Variants in ATP8B1 observed in about 807,000 individuals in gnomAD.
The protein encoded by ATP8B1 is ATPase phospholipid transporting 8B1.
In ATP8B1, 80 loss-of-function variants were observed where a neutral mutation model predicts 149.9. That is an observed-to-expected ratio of 0.53 (90% confidence interval 0.45 to 0.64). ATP8B1 has a LOEUF of 0.64. Ranked by LOEUF, ATP8B1 falls within the 30% of genes least tolerant of loss-of-function variation. The pLI, the probability that ATP8B1 is intolerant of heterozygous loss-of-function variation, is 0.00. For synonymous variants in ATP8B1, 536 were observed against 562.8 expected (o/e 0.95, Z 0.67); for missense variants, 1,247 against 1,552.6 (o/e 0.80, Z 3.31).
In ATP8B1 at chr18:57,730,239, G is replaced by T. The variant is rs575733165; in HGVS notation, c.181+1388C>A. On this transcript the variant is annotated intron_variant, in intron 2 of 27. Coordinates refer to ENST00000648908, the MANE Select transcript of ATP8B1 (RefSeq NM_001374385.1). Reference sequence around the variant, plus strand: ...GAACCCAAGAAAGAGAAACTAGAGGGGGGGTTTGGCATGGGGGAAAAAGAG... The same window carrying T: ...GAACCCAAGAAAGAGAAACTAGAGGTGGGGTTTGGCATGGGGGAAAAAGAG... 4.0e-5 allele frequency among the ~76,000 whole-genome samples: 6 copies of T among 149,686 alleles called. No individual in the cohort carries two copies. The East Asian group carries it at 1.0e-3, about 26-fold the overall frequency.
chr18:57,699,491 C>T (rs917504346), intron 6 of ATP8B1, among the ~76,000 whole-genome samples: 2 of 152,028 alleles, frequency 1.3e-5, no homozygotes, highest in Non-Finnish European at 2.9e-5. Context: ...AATCCCAGCA[C>T]TTTGGGAGGC....
rs1912888013 is a variant in ATP8B1 at position 57,697,650 on chromosome 18, G to A, written c.666C>T (p.Ser222=). 1 of 1,613,892 alleles carries A rather than the reference G, an allele frequency of 6.2e-7. No individual in the cohort carries two copies. Among genetic ancestry groups the A allele is most frequent in the Non-Finnish European group, 8.5e-7 (1 of 1,179,994 alleles). The change falls in exon 8 of 28, where the codon AGC becomes AGT. Residue 222 remains serine (S), a synonymous_variant. Coordinates refer to ENST00000648908, the MANE Select transcript of ATP8B1 (RefSeq NM_001374385.1). ...ILLLSSSEPN[S]LCYVETAELD... is the part of the protein sequence containing the mutation. ...GTTCTGCTGTTTCCACATAGCAGAGGCTGTTAGGCTCAGAGCTAGACAGCA... is the reference window on the plus strand; with the variant it reads ...GTTCTGCTGTTTCCACATAGCAGAGACTGTTAGGCTCAGAGCTAGACAGCA...
At chr18:57,678,364 G>A (rs979924045) in intron 15 of ATP8B1, among the ~76,000 whole-genome samples, 2 of 151,892 alleles carry the variant, frequency 1.3e-5, no homozygotes, top group African/African-American at 4.8e-5. Context: ...GAGGCGGGTG[G>A]ATCACAAGGT....
intron 18 of ATP8B1, 109 bp from the exon 19 acceptor site, chr18:57,668,649 G>A: frequency 4.3e-6 from 3 of 696,518 alleles, no homozygotes; most frequent in Non-Finnish European, 7.2e-6. Context: ...TATACATCCT[G>A]GTTGCTGCTC....
chr18:57,783,230 A>G (rs1194117168), intron 1 of ATP8B1, among the ~76,000 whole-genome samples: 1 of 152,176 alleles, frequency 6.6e-6, no homozygotes, highest in Non-Finnish European at 1.5e-5. Flanking sequence ...GAGACTATAA[A>G]GTAGAAACTG....
At chr18:57,714,514 G>A (rs184086879) in intron 2 of ATP8B1, among the ~76,000 whole-genome samples, 1 of 149,618 alleles carries the variant, frequency 6.7e-6, no homozygotes, top group Admixed American at 6.7e-5. Context: ...CCATATTGGT[G>A]CTTGTATCTC....
chr18:57,799,704 CA>C (rs4059219), intron 1 of ATP8B1, among the ~76,000 whole-genome samples: 6,531 of 110,954 alleles, frequency 0.059, 157 homozygotes, highest in Admixed American at 0.087. Flanking sequence ...GACTCTGTCT[CA>C]AAAAAAAAAA....
intron 1 of ATP8B1, among the ~76,000 whole-genome samples, chr18:57,772,717 G>A (rs1032929057): frequency 6.6e-6 from 1 of 152,150 alleles, no homozygotes; most frequent in Non-Finnish European, 1.5e-5. Flanking sequence ...AGGTAAGGCA[G>A]ACCCTAGGAA....
chr18:57,781,689 A>C (rs1342724339), intron 1 of ATP8B1, among the ~76,000 whole-genome samples: 2 of 152,252 alleles, frequency 1.3e-5, no homozygotes, highest in Non-Finnish European at 2.9e-5. Context: ...AATATGGGAA[A>C]CATAGGTGGG....
chr18:57,731,330 T>C (rs868170033), intron 2 of ATP8B1: 27 of 376 alleles, frequency 0.072, no homozygotes, highest in South Asian at 0.083. Context: ...TATATATATA[T>C]ATATATATAT....
chr18:57,756,192 C>T (rs55731035), intron 1 of ATP8B1, among the ~76,000 whole-genome samples: 7,819 of 84,194 alleles, frequency 0.093, 398 homozygotes, highest in Non-Finnish European at 0.14. Flanking sequence ...ATTTCCACAA[C>T]ATATATATAT....
chr18:57,656,163 G>A (rs1443462662), intron 22 of ATP8B1, among the ~76,000 whole-genome samples: 1 of 152,028 alleles, frequency 6.6e-6, no homozygotes, highest in Non-Finnish European at 1.5e-5. Context: ...CCCTGCTTCT[G>A]TAGACCATCC....
chr18:57,672,076 G>T (rs1343918622), intron 16 of ATP8B1, among the ~76,000 whole-genome samples: 1 of 152,168 alleles, frequency 6.6e-6, no homozygotes, highest in Non-Finnish European at 1.5e-5. Context: ...ATGTAATAGT[G>T]AAATAAATAT....
chr18:57,679,530 T>C (rs1361958176), intron 15 of ATP8B1, among the ~76,000 whole-genome samples: 1 of 152,302 alleles, frequency 6.6e-6, no homozygotes, highest in East Asian at 1.9e-4. Context: ...GAAATTGATG[T>C]AATCAAAGAA....
At chr18:57,801,739 C>T (rs568884586) in intron 1 of ATP8B1, among the ~76,000 whole-genome samples, 63 of 152,096 alleles carry the variant, frequency 4.1e-4, no homozygotes, top group African/African-American at 1.5e-3. Flanking sequence ...TTTTAGTTTC[C>T]CATGGGTAGT....
chr18:57,769,398 C>T (rs554072714), intron 1 of ATP8B1, among the ~76,000 whole-genome samples: 2 of 152,250 alleles, frequency 1.3e-5, no homozygotes, highest in African/African-American at 4.8e-5. Context: ...TATGCCCGTG[C>T]GCCTTCCCAC....
At chr18:57,756,220 C>G (rs371173669) in intron 1 of ATP8B1, among the ~76,000 whole-genome samples, 1 of 109,162 alleles carries the variant, frequency 9.2e-6, no homozygotes, top group Non-Finnish European at 1.9e-5. Context: ...TACACACACA[C>G]ACACACACAC....
chr18:57,753,953 G>C (rs989003526), intron 1 of ATP8B1, among the ~76,000 whole-genome samples: 29 of 44,648 alleles, frequency 6.5e-4, no homozygotes, highest in African/African-American at 5.0e-3. Context: ...AAAAAAGAAA[G>C]AAAGAAAAGA....
At chr18:57,666,356 A>C (rs557986273) in intron 20 of ATP8B1, among the ~76,000 whole-genome samples, 2 of 152,130 alleles carry the variant, frequency 1.3e-5, no homozygotes, top group East Asian at 3.9e-4. Context: ...GGGGACCTAC[A>C]TGATGTAACC....
Sources: allele counts gnomAD v4.1 joint callset (sites outside exome capture counted in the v4.1 genomes callset), GRCh38; gene constraint gnomAD v4.1.1; transcripts MANE v1.5; gene names NCBI Gene and HGNC (gene_info 2026-07-23, HGNC 2026-07-21).